The following AGBL1 variants were observed in gnomAD, a reference collection of about 807,000 sequenced individuals.
AGBL1 encodes the protein cytosolic carboxypeptidase 4.
Under a neutral mutation model 118.9 loss-of-function variants are expected in AGBL1, and 130 were observed. The observed-to-expected ratio is 1.09, with a 90% CI of 0.95 to 1.26. The LOEUF is 1.26. AGBL1 is among the 50% of genes most tolerant of loss of function. The pLI is 0.00. For synonymous variants in AGBL1, 555 were observed against 478.9 expected (o/e 1.16, Z -2.08); for missense variants, 1,584 against 1,298.1 (o/e 1.22, Z -3.38).
chr15:86,342,039 T>C (rs1349885124), intron 17 of AGBL1, among the ~76,000 whole-genome samples: 1 of 152,202 alleles, frequency 6.6e-6, no homozygotes, highest in African/African-American at 2.4e-5. Flanking sequence ...GCTAGTGTTC[T>C]CCTCCCCCAG....
At chr15:86,467,391 A>G (rs999035463) in intron 18 of AGBL1, among the ~76,000 whole-genome samples, 3 of 152,174 alleles carry the variant, frequency 2.0e-5, no homozygotes, top group African/African-American at 7.2e-5. Flanking sequence ...CAAGCCAATG[A>G]TCTTAGCTTG....
chr15:86,302,445 A>C lies in AGBL1; in HGVS notation c.2374+7037A>C, dbSNP rs765748695. 8.5e-5 allele frequency among the ~76,000 whole-genome samples: 13 copies of C among 152,052 alleles called. 1 individual carries two copies. The highest frequency in any genetic ancestry group is 1.5e-4 in the Non-Finnish European group (10 of 68,014). Reference sequence around the variant, plus strand: ...ATGTCTTTTCAAGTAGAAACATAGCATATGCAGAAGCAAGGAGACCTGGAT... The same window carrying C: ...ATGTCTTTTCAAGTAGAAACATAGCCTATGCAGAAGCAAGGAGACCTGGAT... On this transcript the variant is annotated intron_variant, in intron 17 of 22. Transcript: ENST00000614907.
chr15:86,492,299 A>G (rs968754237), intron 18 of AGBL1, among the ~76,000 whole-genome samples: 2 of 152,158 alleles, frequency 1.3e-5, no homozygotes, highest in Admixed American at 1.3e-4. Flanking sequence ...TTGAAGGACT[A>G]TGAACAGAGA....
At chr15:86,732,254 T>C (rs1189215103) in intron 22 of AGBL1, among the ~76,000 whole-genome samples, 2 of 152,246 alleles carry the variant, frequency 1.3e-5, no homozygotes, top group African/African-American at 2.4e-5. Context: ...CAAATGATAG[T>C]GCATGTGTAT....
At chr15:86,732,906 AAT>A (rs1356452968) in intron 22 of AGBL1, among the ~76,000 whole-genome samples, 3 of 150,572 alleles carry the variant, frequency 2.0e-5, no homozygotes, top group Non-Finnish European at 4.4e-5. Flanking sequence ...TAAATCTACA[AAT>A]ATATATATAG....
chr15:86,673,936 A>G (rs1306658045), intron 21 of AGBL1, among the ~76,000 whole-genome samples: 1 of 152,136 alleles, frequency 6.6e-6, no homozygotes, highest in Non-Finnish European at 1.5e-5. Context: ...AACCCTTTTT[A>G]AAAATACAGA....
chr15:86,820,180 A>G lies in AGBL1; in HGVS notation c.3159-86907A>G, dbSNP rs149624342. Among the ~76,000 whole-genome samples the G allele has an allele frequency of 1.8e-3, 278 of 152,374 alleles. 10 individuals carry two copies. The East Asian group carries it at 0.048, about 26-fold the overall frequency. ...AGACTTAAACATAAGACTTAAAACT[A>G]TAAAGCTTCTGGAAGAAAACCTAGG... On this transcript the variant is annotated intron_variant, in intron 22 of 22. Coordinates refer to ENST00000614907, the MANE Select transcript of AGBL1 (RefSeq NM_001386094.1).
chr15:86,982,852 A>G (rs1194783519), intron 23 of AGBL1, among the ~76,000 whole-genome samples: 10 of 152,206 alleles, frequency 6.6e-5, no homozygotes, highest in Non-Finnish European at 1.3e-4. Flanking sequence ...TGAGGAGTCA[A>G]AAGTTATACA....
At chr15:86,769,716 G>A (rs995431588) in intron 22 of AGBL1, among the ~76,000 whole-genome samples, 1 of 151,966 alleles carries the variant, frequency 6.6e-6, no homozygotes, top group Non-Finnish European at 1.5e-5. Context: ...TTTACTAGCA[G>A]GTGGAGTAAT....
At chr15:86,619,655 C>G (rs1010908570) in intron 21 of AGBL1, among the ~76,000 whole-genome samples, 1 of 152,068 alleles carries the variant, frequency 6.6e-6, no homozygotes, top group Non-Finnish European at 1.5e-5. Flanking sequence ...ATCCTTTTGG[C>G]CTCTGATTCC....
chr15:86,211,227 C>T (rs928219643), intron 5 of AGBL1, among the ~76,000 whole-genome samples: 1 of 152,204 alleles, frequency 6.6e-6, no homozygotes, highest in African/African-American at 2.4e-5. Context: ...CATAGGGGCA[C>T]CCACCTATAT....
intron 22 of AGBL1, among the ~76,000 whole-genome samples, chr15:86,875,685 T>C (rs1894263960): frequency 6.6e-6 from 1 of 152,198 alleles, no homozygotes. Flanking sequence ...CTTTCTGGCC[T>C]CCATGTTCAA....
At chr15:86,391,865 G>A (rs1431240417) in intron 17 of AGBL1, among the ~76,000 whole-genome samples, 4 of 151,658 alleles carry the variant, frequency 2.6e-5, no homozygotes, top group African/African-American at 9.7e-5. Context: ...TTGCAAATAC[G>A]TCTACTTAGG....
Position 86,370,658 on chromosome 15 carries a change from C to A in AGBL1, c.2375-26708C>A, listed in dbSNP as rs117088374. ...CCAAAGCACAGCCTGTGATATCTAA[C>A]CTGAGCTGATCTATACTACTTTGCC... On this transcript the variant is annotated intron_variant, in intron 17 of 22. Transcript: ENST00000614907. Among the ~76,000 whole-genome samples, 1,291 of 152,324 alleles carry A rather than the reference C, an allele frequency of 8.5e-3. 8 individuals carry two copies. Among genetic ancestry groups the A allele is most frequent in the Non-Finnish European group, 0.013 (872 of 68,030 alleles).
chr15:86,545,731 AC>A (rs1465035574), intron 19 of AGBL1, among the ~76,000 whole-genome samples: 5 of 152,206 alleles, frequency 3.3e-5, no homozygotes, highest in African/African-American at 1.2e-4. Context: ...AAAGAGCTAT[AC>A]ATGACTTGCG....
intron 18 of AGBL1, among the ~76,000 whole-genome samples, chr15:86,446,594 C>A (rs749662603): frequency 1.3e-5 from 2 of 152,134 alleles, no homozygotes; most frequent in Non-Finnish European, 2.9e-5. Flanking sequence ...CCATTTATAT[C>A]GAATCTCTCT....
rs551015942 is a variant in AGBL1, at chr15:86,257,485, A to G, written c.901+467A>G. Among the ~76,000 whole-genome samples, 3 of 152,346 alleles carry G rather than the reference A, an allele frequency of 2.0e-5. No individual in the cohort carries two copies. In the South Asian group the frequency reaches 6.2e-4, roughly 32 times the overall value. On this transcript the variant is annotated intron_variant, in intron 8 of 22. Coordinates refer to ENST00000614907, the MANE Select transcript of AGBL1 (RefSeq NM_001386094.1). ...GATCTTCCTGTCAAAAGATCCTAGT[A>G]CGAACAGATTTTCTATAGGCATAAT... is the stretch of plus-strand genomic sequence containing the variant.
chr15:86,383,506 G>A (rs2081141791), intron 17 of AGBL1, among the ~76,000 whole-genome samples: 1 of 152,100 alleles, frequency 6.6e-6, no homozygotes, highest in African/African-American at 2.4e-5. Context: ...AGAATCTCTT[G>A]CATCTGGGAA....
At chr15:86,243,373 T>G (rs1379008653) in intron 6 of AGBL1, among the ~76,000 whole-genome samples, 3 of 152,220 alleles carry the variant, frequency 2.0e-5, no homozygotes, top group Non-Finnish European at 4.4e-5. Flanking sequence ...GGGGTTAAAA[T>G]AAGGATATCA....
Sources: allele counts gnomAD v4.1 joint callset (sites outside exome capture counted in the v4.1 genomes callset), GRCh38; gene constraint gnomAD v4.1.1; transcripts MANE v1.5; gene names NCBI Gene and HGNC (gene_info 2026-07-23, HGNC 2026-07-21).